PNMA8A: variants seen among roughly 807,000 people sequenced by gnomAD.
PNMA8A encodes PNMA family member 8A.
In PNMA8A, 17 loss-of-function variants were observed where a neutral mutation model predicts 26.6. The observed-to-expected ratio is 0.64, with a 90% CI of 0.44 to 0.96. PNMA8A has a LOEUF of 0.96. Among genes scored for constraint, PNMA8A ranks in the 40% least tolerant of loss-of-function variants. The pLI is 0.00. For synonymous variants in PNMA8A, 224 were observed against 182.0 expected (o/e 1.23, Z -1.86); for missense variants, 532 against 488.4 (o/e 1.09, Z -0.84).
chr19:46,470,273 C>T lies in PNMA8A; in HGVS notation c.763G>A (p.Val255Met). ...ATGCCTTTGGGTTTTTTCCAGGGCA[C>T]TGCTTCCTGCCTGGAGTTCTTCTTC... ...KQKKNSRQEA[V>M]PWKKPKGINS... The change falls in exon 2 of 3, where the codon GTG (valine) becomes ATG (methionine). Residue 255 changes from valine to methionine, a missense_variant. Transcript: ENST00000313683. The T allele has an allele frequency of 6.2e-7, 1 of 1,613,846 alleles. No individual in the cohort carries two copies. The highest frequency in any genetic ancestry group is 8.5e-7 in the Non-Finnish European group (1 of 1,180,038).
In PNMA8A at chr19:46,466,822, TAAC is replaced by T; in HGVS notation, c.*1736_*1738del. ...TTAAAGTTGAATCACTGAGAACATC[TAAC>T]AACTGTTCACATTCTTTATCACAAA... On this transcript the variant is annotated 3_prime_UTR_variant, in exon 3 of 3. Coordinates refer to ENST00000313683, the MANE Select transcript of PNMA8A (RefSeq NM_018215.4). The T allele has an allele frequency of 6.6e-6, 1 of 152,340 alleles. No homozygotes were observed. The highest frequency in any genetic ancestry group is 2.4e-5 in the African/African-American group (1 of 41,580). 9.4% of individuals were successfully genotyped at this position (152,340 alleles called of 1,614,324 possible). A position where few individuals can be genotyped will look rare whatever the true frequency, so the allele number is the denominator to read the frequency against.
rs1467026168 is a variant in PNMA8A at position 46,468,157 on chromosome 19, G to C, written c.*404C>G. On this transcript the variant is annotated 3_prime_UTR_variant, in exon 3 of 3. Transcript: ENST00000313683. ...GCAGGGCCACCCAGCTCTTCCAAAT[G>C]CCAGGGCCTGCAGAGGTCGCTGACC... The C allele has an allele frequency of 5.4e-6, 1 of 184,038 alleles. No individual in the cohort carries two copies. The highest frequency in any genetic ancestry group is 2.3e-5 in the African/African-American group (1 of 42,822). 11.4% of individuals were successfully genotyped at this position (184,038 alleles called of 1,614,324 possible).
At chr19:46,471,183 C>A in intron 1 of PNMA8A, 69 bp from the exon 2 acceptor site, 1 of 571,422 alleles carries the variant, frequency 1.8e-6, no homozygotes. Flanking sequence ...CCTAGCTGCC[C>A]CCTCCGCGGC....
chr19:46,471,029 T>C lies in PNMA8A; in HGVS notation c.7A>G (p.Lys3Glu), dbSNP rs760250072. Residue 3 changes from lysine (K) to glutamate (E), a missense_variant, in exon 2 of 3, where the codon AAG (lysine) becomes GAG (glutamate). Lys to Glu is a moderately conservative substitution (Grantham distance 56). Transcript: ENST00000313683. MS[K>E]TMAMNLLEDW... ...TCCAGAAGGTTCATCGCCATGGTCTTGGACATTTAGCGGCTCTGAACCTAC... is the reference window on the plus strand; with the variant it reads ...TCCAGAAGGTTCATCGCCATGGTCTCGGACATTTAGCGGCTCTGAACCTAC... 3.9e-6 allele frequency: 3 copies of C among 766,584 alleles called. No homozygotes were observed. The Admixed American group carries it at 5.2e-5, about 13-fold the overall frequency. The allele number at this position is 766,584 out of a possible 1,614,324, so 47.5% of individuals were successfully genotyped here.
chr19:46,470,480 C>T lies in PNMA8A; in HGVS notation c.556G>A (p.Ala186Thr). The T allele has an allele frequency of 1.2e-6, 2 of 1,613,918 alleles. No homozygotes were observed. Among genetic ancestry groups the T allele is most frequent in the Non-Finnish European group, 8.5e-7 (1 of 1,180,030 alleles). The change falls in exon 2 of 3, where the codon GCA becomes ACA. Residue 186 changes from alanine (A) to threonine (T), a missense_variant. Physicochemically the swap from Ala to Thr is moderately conservative, Grantham distance 58 (BLOSUM62 0). Transcript: ENST00000313683. Reference protein sequence around the residue: ...AQEAAEFEEMAAWALAAGRKV... With the variant: ...AQEAAEFEEMTAWALAAGRKV... ...CTCCCTGCTGCTAAAGCCCAGGCTG[C>T]CATCTCCTCGAATTCAGCGGCCTCC...
At position 46,468,517 on chromosome 19, in the gene PNMA8A, T is replaced by A. The variant is rs1428544717; in HGVS notation, c.*44A>T. The A allele has an allele frequency of 1.9e-6, 3 of 1,599,546 alleles. No homozygotes were observed. Among genetic ancestry groups the A allele is most frequent in the Non-Finnish European group, 2.6e-6 (3 of 1,166,860 alleles). On this transcript the variant is annotated 3_prime_UTR_variant, in exon 3 of 3. Coordinates refer to ENST00000313683, the MANE Select transcript of PNMA8A (RefSeq NM_018215.4). ...GAGAGAACTTGGTTGACTTGGTACTTCTTCCTTGTTCTTTCAACTCCTCAG... is the reference window on the plus strand; with the variant it reads ...GAGAGAACTTGGTTGACTTGGTACTACTTCCTTGTTCTTTCAACTCCTCAG...
chr19:46,468,227 G>C lies in PNMA8A; in HGVS notation c.*334C>G, dbSNP rs576157320. On this transcript the variant is annotated 3_prime_UTR_variant, in exon 3 of 3. Coordinates refer to ENST00000313683, the MANE Select transcript of PNMA8A (RefSeq NM_018215.4). Reference sequence around the variant, plus strand: ...GCGTGGGGGAGAAAAGCTGAACATGGATGAGTGTAACAGTGACCCTGCTCA... The same window carrying C: ...GCGTGGGGGAGAAAAGCTGAACATGCATGAGTGTAACAGTGACCCTGCTCA... The C allele has an allele frequency of 3.6e-5, 11 of 302,770 alleles. No individual in the cohort carries two copies. The South Asian group carries it at 1.2e-3, about 33-fold the overall frequency. 18.8% of individuals were successfully genotyped at this position (302,770 alleles called of 1,614,324 possible). A position where few individuals can be genotyped will look rare whatever the true frequency, so the allele number is the denominator to read the frequency against.
In PNMA8A at chr19:46,469,706, C is replaced by T. The variant is rs189484406; in HGVS notation, c.1303+27G>A. ...TGCCTCATCCACTTGCTGGCACGAGCCCAGTCACTTCTGCTATCATTCTCA... is the reference window on the plus strand; with the variant it reads ...TGCCTCATCCACTTGCTGGCACGAGTCCAGTCACTTCTGCTATCATTCTCA... On this transcript the variant is annotated intron_variant, in intron 2 of 2. Transcript: ENST00000313683. The T allele has an allele frequency of 3.0e-4, 475 of 1,566,818 alleles. 3 individuals carry two copies. The African/African-American group carries it at 5.8e-3, about 19-fold the overall frequency.
In PNMA8A at chr19:46,468,471, C is replaced by G; in HGVS notation, c.*90G>C. On this transcript the variant is annotated 3_prime_UTR_variant, in exon 3 of 3. Coordinates refer to ENST00000313683, the MANE Select transcript of PNMA8A (RefSeq NM_018215.4). ...TATCAACAGGGGCCCTAAGAGAGTC[C>G]AAAGTCTTATTCAGTGACAAGAGAG... is the stretch of plus-strand genomic sequence containing the variant. The G allele has an allele frequency of 7.8e-7, 1 of 1,276,840 alleles. No individual in the cohort carries two copies. Among genetic ancestry groups the G allele is most frequent in the Non-Finnish European group, 1.1e-6 (1 of 873,936 alleles). 79.1% of individuals were successfully genotyped at this position (1,276,840 alleles called of 1,614,324 possible). A position where few individuals can be genotyped will look rare whatever the true frequency, so the allele number is the denominator to read the frequency against.
Position 46,468,234 on chromosome 19 carries a change from G to A in PNMA8A, c.*327C>T. ...GGAGAAAAGCTGAACATGGATGAGT[G>A]TAACAGTGACCCTGCTCATGCATAA... On this transcript the variant is annotated 3_prime_UTR_variant, in exon 3 of 3. Transcript: ENST00000313683. 2.8e-6 allele frequency: 1 copy of A among 351,554 alleles called. No individual in the cohort carries two copies. Among genetic ancestry groups the A allele is most frequent in the South Asian group, 8.3e-5 (1 of 12,118 alleles). The allele number at this position is 351,554 out of a possible 1,614,324, so 21.8% of individuals were successfully genotyped here.
intron 1 of PNMA8A, 61 bp from the exon 2 acceptor site, chr19:46,471,175 T>C (rs1969788616): frequency 3.4e-6 from 2 of 579,716 alleles, no homozygotes; most frequent in Non-Finnish European, 6.1e-6. Flanking sequence ...TCACAGATCC[T>C]AGCTGCCCCC....
At position 46,470,210 on chromosome 19, in the gene PNMA8A, C is replaced by A; in HGVS notation, c.826G>T (p.Val276Leu). 1 of 1,614,188 alleles carries A rather than the reference C, an allele frequency of 6.2e-7. No homozygotes were observed. The highest frequency in any genetic ancestry group is 8.5e-7 in the Non-Finnish European group (1 of 1,180,050). The part of the protein sequence containing the change: ...NSTANLEDPE[V>L]GDAESMAISE... Reference sequence around the variant, plus strand: ...ATCGCCATGCTTTCAGCATCACCCACCTCAGGATCCTCCAAGTTAGCTGTG... The same window carrying A: ...ATCGCCATGCTTTCAGCATCACCCAACTCAGGATCCTCCAAGTTAGCTGTG... Residue 276 changes from valine to leucine, a missense_variant, in exon 2 of 3, where the codon GTG (valine) becomes TTG (leucine). By Grantham distance (32) the Val-to-Leu change is conservative. Coordinates refer to ENST00000313683, the MANE Select transcript of PNMA8A (RefSeq NM_018215.4).
rs1041349524 is a variant in PNMA8A, at chr19:46,471,301, C to G, written c.-80+36G>C. 7.3e-5 allele frequency: 22 copies of G among 302,032 alleles called. 1 individual carries two copies. Among genetic ancestry groups the G allele is most frequent in the Non-Finnish European group, 1.3e-4 (22 of 163,882 alleles). 18.7% of individuals were successfully genotyped at this position (302,032 alleles called of 1,614,324 possible). On this transcript the variant is annotated intron_variant, in intron 1 of 2. Coordinates refer to ENST00000313683, the MANE Select transcript of PNMA8A (RefSeq NM_018215.4). ...AGCAAAAGGCCCTAGGACCCTCCCC[C>G]GGGCCTGACGCTCCGCCTGCCCAGC...
rs1231665382 is a variant in PNMA8A at position 46,467,662 on chromosome 19, C to CA, written c.*898dup. On this transcript the variant is annotated 3_prime_UTR_variant, in exon 3 of 3. Transcript: ENST00000313683. ...TCGTGATCGACCTGCCTCAGCCTCC[C>CA]AAAGTGCTGGGATTACAGGCGTGAG... 6.6e-6 allele frequency: 1 copy of CA among 152,286 alleles called. No individual in the cohort carries two copies. The highest frequency in any genetic ancestry group is 2.4e-5 in the African/African-American group (1 of 41,448). 9.4% of individuals were successfully genotyped at this position (152,286 alleles called of 1,614,324 possible).
chr19:46,470,393 G>C lies in PNMA8A; in HGVS notation c.643C>G (p.Pro215Ala), dbSNP rs1167889094. Reference protein sequence around the residue: ...EVGSALKAETPNNWNATEDQH... With the variant: ...EVGSALKAETANNWNATEDQH... ...TCTTCCGTGGCATTCCAGTTGTTGG[G>C]GGTCTCTGCCTTTAAGGCAGAACCC... The change falls in exon 2 of 3, where the codon CCC becomes GCC. Residue 215 changes from proline (P) to alanine (A), a missense_variant. Pro to Ala is a conservative substitution (Grantham distance 27). Coordinates refer to ENST00000313683, the MANE Select transcript of PNMA8A (RefSeq NM_018215.4). The C allele has an allele frequency of 1.2e-6, 2 of 1,613,990 alleles. No homozygotes were observed. Among genetic ancestry groups the C allele is most frequent in the African/African-American group, 1.3e-5 (1 of 75,056 alleles).
chr19:46,470,332 G>A lies in PNMA8A; in HGVS notation c.704C>T (p.Ala235Val). Reference sequence around the variant, plus strand: ...TCTCCTGGAGCGAGACTTAGCTCCAGCCCTGCGAACCAAAGGTTTGGTAGG... The same window carrying A: ...TCTCCTGGAGCGAGACTTAGCTCCAACCCTGCGAACCAAAGGTTTGGTAGG... The part of the protein sequence containing the change: ...HEPTKPLVRR[A>V]GAKSRSRRKK... The change falls in exon 2 of 3, where the codon GCT becomes GTT. Residue 235 changes from alanine to valine, a missense_variant. By Grantham distance (64) the Ala-to-Val change is moderately conservative (BLOSUM62 0). Transcript: ENST00000313683. 1 of 1,613,906 alleles carries A rather than the reference G, an allele frequency of 6.2e-7. No homozygotes were observed.
At position 46,470,466 on chromosome 19, in the gene PNMA8A, T is replaced by A; in HGVS notation, c.570A>T (p.Leu190Phe). The A allele has an allele frequency of 6.2e-7, 1 of 1,614,074 alleles. No homozygotes were observed. The highest frequency in any genetic ancestry group is 8.5e-7 in the Non-Finnish European group (1 of 1,180,050). The part of the protein sequence containing the change: ...AEFEEMAAWA[L>F]AAGRKVKKEP... ...CTTTCTTCACCTTCCTCCCTGCTGC[T>A]AAAGCCCAGGCTGCCATCTCCTCGA... Residue 190 changes from leucine to phenylalanine, a missense_variant, in exon 2 of 3, where the codon TTA becomes TTT. Coordinates refer to ENST00000313683, the MANE Select transcript of PNMA8A (RefSeq NM_018215.4).
chr19:46,470,857 A>T lies in PNMA8A; in HGVS notation c.179T>A (p.Phe60Tyr). The part of the protein sequence containing the change: ...LGPYRVLNKI[F>Y]VREENVKAAL... Reference sequence around the variant, plus strand: ...AGCTTTAACATTCTCTTCCCTCACAAAAATCTTGTTGAGCACGCGGTACGG... The same window carrying T: ...AGCTTTAACATTCTCTTCCCTCACATAAATCTTGTTGAGCACGCGGTACGG... The change falls in exon 2 of 3, where the codon TTT becomes TAT. Residue 60 changes from phenylalanine to tyrosine, a missense_variant. By Grantham distance (22) the Phe-to-Tyr change is conservative. Transcript: ENST00000313683. 1.3e-6 allele frequency: 1 copy of T among 781,100 alleles called. No individual in the cohort carries two copies. Among genetic ancestry groups the T allele is most frequent in the African/African-American group, 1.7e-5 (1 of 59,232 alleles). 48.4% of individuals were successfully genotyped at this position (781,100 alleles called of 1,614,324 possible). A position where few individuals can be genotyped will look rare whatever the true frequency, so the allele number is the denominator to read the frequency against.
chr19:46,470,238 GT>G lies in PNMA8A; in HGVS notation c.797del (p.Asn266ThrfsTer31). On this transcript the variant is annotated frameshift_variant, in exon 2 of 3. Coordinates refer to ENST00000313683, the MANE Select transcript of PNMA8A (RefSeq NM_018215.4). LOFTEE classifies it high-confidence loss of function. ...CAGGATCCTCCAAGTTAGCTGTGCT[GT>G]TGGAATTGATGCCTTTGGGTTTTTT... ...PWKKPKGINS[N>X]STANLEDPEV... 2 of 1,614,086 alleles carry G rather than the reference GT, an allele frequency of 1.2e-6. No individual in the cohort carries two copies. The highest frequency in any genetic ancestry group is 1.7e-6 in the Non-Finnish European group (2 of 1,180,052).
Sources: allele counts gnomAD v4.1 joint callset, GRCh38; gene constraint gnomAD v4.1.1; transcripts MANE v1.5; gene names NCBI Gene and HGNC (gene_info 2026-07-23, HGNC 2026-07-21).